FKBP1A: variants seen among roughly 807,000 people sequenced by gnomAD.
FKBP1A encodes the protein peptidyl-prolyl cis-trans isomerase FKBP1A.
In FKBP1A, 5 loss-of-function variants were observed where a neutral mutation model predicts 14.2. The observed-to-expected ratio is 0.35, with a 90% CI of 0.18 to 0.74. FKBP1A has a LOEUF of 0.74. Among genes scored for constraint, FKBP1A ranks in the 30% least tolerant of loss-of-function variants. FKBP1A has a pLI of 0.56. For synonymous variants in FKBP1A, 42 were observed against 49.1 expected, an observed-to-expected ratio of 0.86 and a Z score of 0.60; for missense variants, 53 against 138.8, an observed-to-expected ratio of 0.38 and a Z score of 3.10.
intron 2 of FKBP1A, among the ~76,000 whole-genome samples, chr20:1,385,069 AT>A (rs2089654803): frequency 6.6e-6 from 1 of 152,126 alleles, no homozygotes; most frequent in African/African-American, 2.4e-5. Flanking sequence ...TTACTACCAC[AT>A]TATATCGCAT....
At chr20:1,371,911 C>G in intron 4 of FKBP1A, 165 bp downstream of exon 4, 1 of 1,378,854 alleles carries the variant, frequency 7.3e-7, no homozygotes, top group East Asian at 2.7e-5. Context: ...TTTTTACATT[C>G]AAAGCATACA....
intron 4 of FKBP1A, chr20:1,371,053 GCT>G (rs770491539): frequency 2.5e-4 from 248 of 985,296 alleles, no homozygotes; most frequent in Non-Finnish European, 2.9e-4. Flanking sequence ...GTTACAAGTA[GCT>G]CTGACTGCCA....
intron 2 of FKBP1A, among the ~76,000 whole-genome samples, chr20:1,382,927 G>A (rs1163148658): frequency 6.6e-6 from 1 of 152,174 alleles, no homozygotes; most frequent in Admixed American, 6.5e-5. Flanking sequence ...CTACTCCACA[G>A]CAGCCTGCTC....
chr20:1,390,796 T>C (rs1470302617), intron 2 of FKBP1A, among the ~76,000 whole-genome samples: 39 of 152,312 alleles, frequency 2.6e-4, no homozygotes, highest in Non-Finnish European at 4.4e-5. Flanking sequence ...GTCTATTCTG[T>C]GAGCATGAGG....
At chr20:1,390,977 T>C (rs2089728631) in intron 2 of FKBP1A, among the ~76,000 whole-genome samples, 1 of 152,196 alleles carries the variant, frequency 6.6e-6, no homozygotes, top group South Asian at 2.1e-4. Context: ...ACCCTGATGG[T>C]GTTCTGGGTC....
At chr20:1,370,786 A>G in intron 4 of FKBP1A, 1 of 985,372 alleles carries the variant, frequency 1.0e-6, no homozygotes, top group African/African-American at 1.7e-5. Context: ...CAGGAAAATA[A>G]TTCCAAGGCT....
chr20:1,390,914 A>G (rs1041490055), intron 2 of FKBP1A, among the ~76,000 whole-genome samples: 5 of 152,200 alleles, frequency 3.3e-5, no homozygotes, highest in African/African-American at 1.2e-4. Flanking sequence ...CTCTGGAAAC[A>G]TGTGGGTGCG....
chr20:1,380,776 C>T (rs982997522), intron 2 of FKBP1A, among the ~76,000 whole-genome samples: 2 of 152,198 alleles, frequency 1.3e-5, no homozygotes, highest in Non-Finnish European at 2.9e-5. Context: ...AATGAGGAGA[C>T]TTATCAATCA....
In FKBP1A at chr20:1,369,977, G is replaced by A. The variant is rs1600320697; in HGVS notation, c.*132C>T. The A allele has an allele frequency of 3.3e-6, 5 of 1,537,740 alleles. No individual in the cohort carries two copies. The East Asian group carries it at 1.2e-4, about 38-fold the overall frequency. ...GAGTGACAGAACACATTCAGTCAGG[G>A]CAGATGTCTATACAAAGTGGAGTGG... is the stretch of plus-strand genomic sequence containing the variant. On this transcript the variant is annotated 3_prime_UTR_variant, in exon 5 of 5. Transcript: ENST00000400137.
At chr20:1,391,561 G>T in intron 2 of FKBP1A, 1 of 397,812 alleles carries the variant, frequency 2.5e-6, no homozygotes, top group East Asian at 3.6e-5. Flanking sequence ...ACGGGGAAGG[G>T]CCACAGAAAT....
At position 1,379,756 on chromosome 20, in the gene FKBP1A, C is replaced by T. The variant is rs569129325; in HGVS notation, c.86-4153G>A. 4.6e-5 allele frequency among the ~76,000 whole-genome samples: 7 copies of T among 152,048 alleles called. No homozygotes were observed. Among genetic ancestry groups the T allele is most frequent in the East Asian group, 3.9e-4 (2 of 5,148 alleles). On this transcript the variant is annotated intron_variant, in intron 2 of 4. Coordinates refer to ENST00000400137, the MANE Select transcript of FKBP1A (RefSeq NM_000801.5). The surrounding 1 kb of genome is among the most constrained non-coding windows in gnomAD (Gnocchi z 4.3). ...GGAGAGGATTTCCCATAATCGAGTC[C>T]GAAAGCTAAACAATAATCCCCCGAA...
At chr20:1,382,722 T>C (rs2089630137) in intron 2 of FKBP1A, among the ~76,000 whole-genome samples, 1 of 152,210 alleles carries the variant, frequency 6.6e-6, no homozygotes, top group African/African-American at 2.4e-5. Context: ...CACCTTTAGT[T>C]ACTAATCAGT....
chr20:1,378,263 A>G (rs1209986879), intron 2 of FKBP1A: 1 of 152,292 alleles, frequency 6.6e-6, no homozygotes, highest in Non-Finnish European at 1.5e-5. Flanking sequence ...AGTGCTCTGA[A>G]TCAGCCCCAA....
At chr20:1,378,153 T>C (rs1482986977) in intron 2 of FKBP1A, 1 of 152,194 alleles carries the variant, frequency 6.6e-6, no homozygotes, top group Non-Finnish European at 1.5e-5. Context: ...AGAAAGTTCC[T>C]GCCCTCCCTG....
rs1422899920 is a variant in FKBP1A, at chr20:1,369,953, A to AGT, written c.*154_*155dup. 7 of 1,458,974 alleles carry AGT rather than the reference A, an allele frequency of 4.8e-6. No individual in the cohort carries two copies. The Admixed American group carries it at 1.5e-4, about 32-fold the overall frequency. 90.4% of individuals were successfully genotyped at this position (1,458,974 alleles called of 1,614,324 possible). A position where few individuals can be genotyped will look rare whatever the true frequency, so the allele number is the denominator to read the frequency against. The stretch of plus-strand genomic sequence containing the variant: ...AACAGAGGTGTCGGAAGCAAAGCTG[A>AGT]GTGACAGAACACATTCAGTCAGGGC... On this transcript the variant is annotated 3_prime_UTR_variant, in exon 5 of 5. Transcript: ENST00000400137.
intron 2 of FKBP1A, chr20:1,391,607 T>TA: frequency 2.5e-6 from 1 of 398,508 alleles, no homozygotes; most frequent in Non-Finnish European, 4.4e-6. Context: ...AGTTGCCTTT[T>TA]CCTCTTTCCA....
At chr20:1,391,707 A>C in intron 2 of FKBP1A, 1 of 397,606 alleles carries the variant, frequency 2.5e-6, no homozygotes, top group East Asian at 3.6e-5. Context: ...CAACTTGGCC[A>C]GAACTGCCCA....
rs947106593 is a variant in FKBP1A, at chr20:1,372,918, A to G, written c.199-678T>C. Among the ~76,000 whole-genome samples the G allele has an allele frequency of 3.9e-5, 6 of 152,378 alleles. No individual in the cohort carries two copies. In the South Asian group the frequency reaches 1.2e-3, roughly 32 times the overall value. Reference sequence around the variant, plus strand: ...TAAGGAGAGATTTCTACTTTAAAAAATATATTTGTGTATATTTTCAGTTTC... The same window carrying G: ...TAAGGAGAGATTTCTACTTTAAAAAGTATATTTGTGTATATTTTCAGTTTC... On this transcript the variant is annotated intron_variant, in intron 3 of 4. Coordinates refer to ENST00000400137, the MANE Select transcript of FKBP1A (RefSeq NM_000801.5).
intron 2 of FKBP1A, chr20:1,391,865 C>A: frequency 1.0e-5 from 4 of 387,694 alleles, no homozygotes; most frequent in Non-Finnish European, 1.8e-5. Flanking sequence ...ACTGTGGCTA[C>A]ACCAATCACT....
Sources: allele counts gnomAD v4.1 joint callset (sites outside exome capture counted in the v4.1 genomes callset), GRCh38; gene constraint gnomAD v4.1.1; non-coding constraint Gnocchi (gnomAD v3.1); transcripts MANE v1.5; gene names NCBI Gene and HGNC (gene_info 2026-07-23, HGNC 2026-07-21).